The following PIK3AP1 variants were observed in gnomAD, a reference collection of about 807,000 sequenced individuals.
PIK3AP1 encodes phosphoinositide-3-kinase adaptor protein 1.
In PIK3AP1, 21 loss-of-function variants were observed where a neutral mutation model predicts 88.1. The observed-to-expected ratio is 0.24, with a 90% CI of 0.17 to 0.34. The LOEUF is 0.34. Among genes scored for constraint, PIK3AP1 ranks in the 10% least tolerant of loss-of-function variants. The pLI is 1.00. For synonymous variants in PIK3AP1, 398 were observed against 400.0 expected (o/e 1.00, Z 0.06); for missense variants, 828 against 1,035.7 (o/e 0.80, Z 2.75).
At chr10:96,653,479 CTTTT>C (rs748930022) in intron 3 of PIK3AP1, among the ~76,000 whole-genome samples, 1 of 61,808 alleles carries the variant, frequency 1.6e-5, no homozygotes, top group Non-Finnish European at 2.9e-5. Flanking sequence ...ACTTTATACA[CTTTT>C]TTTTTTTTTT....
chr10:96,653,691 T>C (rs1464940538), intron 3 of PIK3AP1, among the ~76,000 whole-genome samples: 1 of 151,962 alleles, frequency 6.6e-6, no homozygotes, highest in East Asian at 2.0e-4. Flanking sequence ...TTTCACCATA[T>C]TGGCCAGGCT....
chr10:96,652,560 G>A (rs983641321), intron 4 of PIK3AP1, 138 bp downstream of exon 4: 49 of 1,044,888 alleles, frequency 4.7e-5, no homozygotes, highest in Admixed American at 3.2e-4. Flanking sequence ...GAGACAGAGC[G>A]AGACTCTGTC....
chr10:96,701,123 T>C (rs1321682444), intron 2 of PIK3AP1, among the ~76,000 whole-genome samples: 4 of 152,230 alleles, frequency 2.6e-5, no homozygotes, highest in African/African-American at 4.8e-5. Context: ...TAGAGATTCC[T>C]ATTCAGTAGG....
chr10:96,711,877 A>G (rs1233036568), intron 1 of PIK3AP1, among the ~76,000 whole-genome samples: 2 of 148,332 alleles, frequency 1.3e-5, no homozygotes, highest in Admixed American at 1.4e-4. Context: ...CAGCCTCCCA[A>G]GTAGCTGGGA....
chr10:96,616,749 A>T (rs763803890), intron 12 of PIK3AP1, 38 bp from the exon 13 acceptor site: 5 of 1,566,356 alleles, frequency 3.2e-6, no homozygotes, highest in Non-Finnish European at 4.4e-6. Context: ...AGTGTACAAC[A>T]GGATGATACC....
intron 8 of PIK3AP1, among the ~76,000 whole-genome samples, chr10:96,636,239 A>AATAT (rs1430782323): frequency 6.6e-6 from 1 of 151,894 alleles, no homozygotes; most frequent in Non-Finnish European, 1.5e-5. Context: ...TAAATAAATA[A>AATAT]AATAATACAA....
rs776649790 is a variant in PIK3AP1 at position 96,595,628 on chromosome 10, C to T, written c.2367G>A (p.Pro789=). ...GAGGAGGATGGAAGGTCTCCCTGGT[C>T]GGAGGCCTAAAATGAAAGATAAGGC... The part of the protein sequence containing the change: ...VPPRAASQRP[P]TRETFHPPPP... Residue 789 remains proline, a synonymous_variant, in exon 17 of 17, where the codon CCG becomes CCA. Transcript: ENST00000339364. 6.8e-6 allele frequency: 11 copies of T among 1,612,898 alleles called. No individual in the cohort carries two copies. The highest frequency in any genetic ancestry group is 2.2e-5 in the East Asian group (1 of 44,882).
At chr10:96,687,940 T>C (rs1329243696) in intron 2 of PIK3AP1, among the ~76,000 whole-genome samples, 2 of 152,090 alleles carry the variant, frequency 1.3e-5, no homozygotes, top group Non-Finnish European at 2.9e-5. Context: ...TAGGCAACGG[T>C]TGGGAAGCTA....
rs1843836501 is a variant in PIK3AP1, at chr10:96,670,879, G to A, written c.431-13945C>T. Among the ~76,000 whole-genome samples, 7 of 152,274 alleles carry A rather than the reference G, an allele frequency of 4.6e-5. No homozygotes were observed. The South Asian group carries it at 1.2e-3, about 27-fold the overall frequency. On this transcript the variant is annotated intron_variant, in intron 2 of 16. Coordinates refer to ENST00000339364, the MANE Select transcript of PIK3AP1 (RefSeq NM_152309.3). ...ACCACCCATCCCACCCCGAGCAAGC[G>A]CTGCCTCCAGATGCATAAAATAACA...
intron 12 of PIK3AP1, among the ~76,000 whole-genome samples, chr10:96,616,969 A>G (rs1276211195): frequency 6.6e-6 from 1 of 152,158 alleles, no homozygotes; most frequent in Admixed American, 6.5e-5. Flanking sequence ...TCTGTTCTAT[A>G]TGACCCCTCT....
At chr10:96,695,793 C>T (rs989187417) in intron 2 of PIK3AP1, among the ~76,000 whole-genome samples, 2 of 151,142 alleles carry the variant, frequency 1.3e-5, no homozygotes, top group East Asian at 1.9e-4. Context: ...CAGAGACAGA[C>T]CTATACATAT....
chr10:96,668,228 G>C, intron 2 of PIK3AP1, among the ~76,000 whole-genome samples: 1 of 151,984 alleles, frequency 6.6e-6, no homozygotes, highest in East Asian at 1.9e-4. Context: ...AAAATTAACC[G>C]CATACACCAA....
chr10:96,651,695 A>T, intron 4 of PIK3AP1, 44 bp from the exon 5 acceptor site: 5 of 1,603,004 alleles, frequency 3.1e-6, no homozygotes, highest in Non-Finnish European at 4.3e-6. Flanking sequence ...AGGAAAAACA[A>T]GCATCCAGGG....
intron 2 of PIK3AP1, among the ~76,000 whole-genome samples, chr10:96,696,826 T>C (rs1589543665): frequency 6.6e-6 from 1 of 152,242 alleles, no homozygotes; most frequent in East Asian, 1.9e-4. Flanking sequence ...TAAAATTCTA[T>C]TGTGAAGGAT....
intron 2 of PIK3AP1, among the ~76,000 whole-genome samples, chr10:96,664,540 C>T (rs1408451945): frequency 6.6e-6 from 1 of 150,800 alleles, no homozygotes; most frequent in Non-Finnish European, 1.5e-5. Flanking sequence ...AATCTATTAG[C>T]TAATCATTTT....
chr10:96,623,392 G>T, intron 11 of PIK3AP1, 80 bp downstream of exon 11: 2 of 1,316,696 alleles, frequency 1.5e-6, no homozygotes, highest in Non-Finnish European at 1.1e-6. Context: ...ATGTCAAGGA[G>T]CTATTGTTAC....
At chr10:96,668,845 C>T (rs192133181) in intron 2 of PIK3AP1, among the ~76,000 whole-genome samples, 6 of 152,278 alleles carry the variant, frequency 3.9e-5, no homozygotes, top group South Asian at 2.1e-4. Context: ...AACCACCACA[C>T]GGGGCCAGGC....
intron 8 of PIK3AP1, among the ~76,000 whole-genome samples, chr10:96,631,890 CAAAACAAAACA>C (rs1843249757): frequency 6.7e-6 from 1 of 149,498 alleles, no homozygotes; most frequent in African/African-American, 2.4e-5. Flanking sequence ...TCTCAAAAAA[CAAAACAAAACA>C]AAAATAAAAC....
At chr10:96,621,329 T>C (rs964655320) in intron 11 of PIK3AP1, 3 of 153,102 alleles carry the variant, frequency 2.0e-5, no homozygotes, top group African/African-American at 7.2e-5. Context: ...AACATGGCCA[T>C]TGTAGTCCTC....
Sources: gnomAD v4.1 joint callset for allele counts (sites outside exome capture counted in the v4.1 genomes callset) on GRCh38, gnomAD v4.1.1 for gene constraint, MANE v1.5 for transcripts, NCBI Gene and HGNC (gene_info 2026-07-23, HGNC 2026-07-21) for gene names.